NUP35: variants seen among roughly 807,000 people sequenced by gnomAD.
NUP35 encodes nucleoporin 35.
In NUP35, 25 loss-of-function variants were observed where a neutral mutation model predicts 41.5. The observed-to-expected ratio is 0.60, with a 90% CI of 0.44 to 0.84. The LOEUF (loss-of-function observed/expected upper bound fraction) is 0.84, where lower values mean the gene tolerates loss of function less well. Ranked by LOEUF, NUP35 falls within the 40% of genes least tolerant of loss-of-function variation. The pLI, the probability that NUP35 is intolerant of heterozygous loss-of-function variation, is 0.00. For synonymous variants in NUP35, 149 were observed against 130.7 expected, an observed-to-expected ratio of 1.14 and a Z score of -0.96; for missense variants, 396 against 396.6, an observed-to-expected ratio of 1.00 and a Z score of 0.01.
chr2:183,138,269 A>ATATATATATATATATTTTTTTT, intron 4 of NUP35, among the ~76,000 whole-genome samples: 1 of 80,690 alleles, frequency 1.2e-5, no homozygotes, highest in African/African-American at 6.2e-5. Flanking sequence ...ATATATATAT[A>ATATATATATATATATTTTTTTT]TTTTTTTTTT....
At chr2:183,128,618 A>C (rs917503052) in intron 2 of NUP35, among the ~76,000 whole-genome samples, 161 bp downstream of exon 2, 1 of 151,782 alleles carries the variant, frequency 6.6e-6, no homozygotes, top group Admixed American at 6.6e-5. Flanking sequence ...AAAAAAATGC[A>C]AAAAAAATCT....
chr2:183,156,064 A>G (rs1019128202), intron 5 of NUP35, among the ~76,000 whole-genome samples: 1 of 152,164 alleles, frequency 6.6e-6, no homozygotes, highest in African/African-American at 2.4e-5. Flanking sequence ...TAGGGTTATG[A>G]AATATTCATT....
At position 183,159,572 on chromosome 2, in the gene NUP35, A is replaced by G. The variant is rs749564847; in HGVS notation, c.823A>G (p.Thr275Ala). The change falls in exon 8 of 9, where the codon ACA (threonine) becomes GCA (alanine). Residue 275 changes from threonine to alanine, a missense_variant. Thr to Ala is a moderately conservative substitution (Grantham distance 58). Transcript: ENST00000295119. Reference protein sequence around the residue: ...TPPIKTLGTPTQPGSTPRIST... With the variant: ...TPPIKTLGTPAQPGSTPRIST... ...ACCAATCAAAACTCTAGGTACACCA[A>G]CACAACCTGGAAGTACTCCTAGGAT... 5.6e-6 allele frequency: 9 copies of G among 1,613,664 alleles called. No individual in the cohort carries two copies. In the East Asian group the frequency reaches 8.9e-5, roughly 16 times the overall value.
At chr2:183,140,619 C>A (rs1400352515) in intron 4 of NUP35, among the ~76,000 whole-genome samples, 1 of 151,930 alleles carries the variant, frequency 6.6e-6, no homozygotes, top group Admixed American at 6.6e-5. Context: ...GTCAGGAGTT[C>A]AAGATCATCC....
intron 4 of NUP35, among the ~76,000 whole-genome samples, chr2:183,137,036 G>A (rs1426532511): frequency 6.6e-6 from 1 of 152,040 alleles, no homozygotes; most frequent in South Asian, 2.1e-4. Flanking sequence ...GTTGGAGTGA[G>A]CTGAGATCGA....
At chr2:183,138,042 G>A (rs987106153) in intron 4 of NUP35, among the ~76,000 whole-genome samples, 1 of 151,526 alleles carries the variant, frequency 6.6e-6, no homozygotes, top group Admixed American at 6.6e-5. Flanking sequence ...TCATGAATTG[G>A]CCACTGGGAG....
upstream of NUP35, chr2:183,123,782 C>A (rs1013433570): frequency 3.0e-6 from 3 of 985,160 alleles, no homozygotes; most frequent in Non-Finnish European, 3.6e-6. Flanking sequence ...GCAGGGATGG[C>A]ACATGCAGAA....
intron 4 of NUP35, among the ~76,000 whole-genome samples, chr2:183,138,999 A>T (rs72894539): frequency 0.028 from 4,331 of 152,060 alleles, 88 homozygotes; most frequent in Non-Finnish European, 0.043. Context: ...ATCTGTCTTT[A>T]TTACCTGATT....
chr2:183,142,821 C>G (rs547099933), intron 4 of NUP35, among the ~76,000 whole-genome samples: 1 of 151,554 alleles, frequency 6.6e-6, no homozygotes, highest in Non-Finnish European at 1.5e-5. Context: ...ATTCCAGGAA[C>G]CTTTTTGTTG....
chr2:183,132,849 A>G (rs533840884), intron 3 of NUP35, among the ~76,000 whole-genome samples: 5 of 152,276 alleles, frequency 3.3e-5, no homozygotes, highest in African/African-American at 1.2e-4. Context: ...ATAATTGAGG[A>G]ATAAATTTTA....
rs769844038 is a variant in NUP35, at chr2:183,161,261, T to C, written c.*130T>C. Reference sequence around the variant, plus strand: ...TCATACTTCTTTTAGAAAGAAGCCTTTTTCATTAAGGATACAACCTATTTG... The same window carrying C: ...TCATACTTCTTTTAGAAAGAAGCCTCTTTCATTAAGGATACAACCTATTTG... On this transcript the variant is annotated 3_prime_UTR_variant, in exon 9 of 9. Coordinates refer to ENST00000295119, the MANE Select transcript of NUP35 (RefSeq NM_138285.5). 15 of 574,586 alleles carry C rather than the reference T, an allele frequency of 2.6e-5. No homozygotes were observed. The highest frequency in any genetic ancestry group is 1.2e-4 in the Admixed American group (4 of 32,176). The allele number at this position is 574,586 out of a possible 1,614,324, so 35.6% of individuals were successfully genotyped here. A position where few individuals can be genotyped will look rare whatever the true frequency, so the allele number is the denominator to read the frequency against.
At chr2:183,118,682 G>T (rs753092744) in intron 1 of NUP35, 1 of 152,192 alleles carries the variant, frequency 6.6e-6, no homozygotes, top group Non-Finnish European at 1.5e-5. Flanking sequence ...CCTCAGGAGA[G>T]AATCTGACTA....
chr2:183,126,608 G>A (rs1446859474), intron 1 of NUP35, among the ~76,000 whole-genome samples: 1 of 148,750 alleles, frequency 6.7e-6, no homozygotes, highest in Non-Finnish European at 1.5e-5. Context: ...TTCACACCTT[G>A]TTTTAGCATT....
At chr2:183,140,082 T>C (rs1278423736) in intron 4 of NUP35, among the ~76,000 whole-genome samples, 1 of 152,232 alleles carries the variant, frequency 6.6e-6, no homozygotes, top group Non-Finnish European at 1.5e-5. Flanking sequence ...TTCTTATTGC[T>C]GCTGAACCAT....
At chr2:183,150,950 T>C (rs1006903831) in intron 4 of NUP35, among the ~76,000 whole-genome samples, 7 of 152,192 alleles carry the variant, frequency 4.6e-5, no homozygotes, top group African/African-American at 1.7e-4. Flanking sequence ...AAGTACTCAA[T>C]TGGTGGCTGT....
intron 1 of NUP35, among the ~76,000 whole-genome samples, chr2:183,127,189 G>A (rs1487716151): frequency 6.6e-6 from 1 of 152,100 alleles, no homozygotes; most frequent in African/African-American, 2.4e-5. Flanking sequence ...CTACTCTATA[G>A]ATTGTGAGGA....
intron 4 of NUP35, among the ~76,000 whole-genome samples, chr2:183,139,814 A>G (rs2105573282): frequency 6.6e-6 from 1 of 152,364 alleles, no homozygotes; most frequent in African/African-American, 2.4e-5. Context: ...CCACCTTGCC[A>G]ACAACATAAT....
At position 183,159,529 on chromosome 2, in the gene NUP35, A is replaced by G. The variant is rs1184526686; in HGVS notation, c.780A>G (p.Pro260=). The change falls in exon 8 of 9, where the codon CCA becomes CCG. Residue 260 remains proline (P), a synonymous_variant. Transcript: ENST00000295119. ...ESSDRCALSS[P]SLAFTPPIKT... Reference sequence around the variant, plus strand: ...GTGACAGATGTGCTTTATCATCTCCATCTTTAGCCTTTACACCACCAATCA... The same window carrying G: ...GTGACAGATGTGCTTTATCATCTCCGTCTTTAGCCTTTACACCACCAATCA... The G allele has an allele frequency of 3.7e-6, 6 of 1,613,634 alleles. No homozygotes were observed. The Admixed American group carries it at 8.3e-5, about 22-fold the overall frequency.
chr2:183,136,627 G>A (rs1400131), intron 4 of NUP35, among the ~76,000 whole-genome samples: 74,929 of 152,030 alleles, frequency 0.49, 19,858 homozygotes, highest in African/African-American at 0.69. Flanking sequence ...TCTGCTGGTG[G>A]TTAGAGCTCA....
Sources: gnomAD v4.1 joint callset for allele counts (sites outside exome capture counted in the v4.1 genomes callset) on GRCh38, gnomAD v4.1.1 for gene constraint, MANE v1.5 for transcripts, NCBI Gene and HGNC (gene_info 2026-07-23, HGNC 2026-07-21) for gene names.